ADAMTSL1: variants seen among roughly 807,000 people sequenced by gnomAD.
ADAMTSL1 encodes the protein ADAMTS-like protein 1.
ADAMTSL1 carries 126 observed loss-of-function variants against 201.8 expected under a neutral mutation model. The observed-to-expected ratio is 0.62, with a 90% CI of 0.54 to 0.72. ADAMTSL1 has a LOEUF of 0.72. Among genes scored for constraint, ADAMTSL1 ranks in the 30% least tolerant of loss-of-function variants. The pLI, the probability that ADAMTSL1 is intolerant of heterozygous loss-of-function variation, is 0.00. For synonymous variants in ADAMTSL1, 1,121 were observed against 903.4 expected (o/e 1.24, Z -4.32); for missense variants, 2,679 against 2,277.8 (o/e 1.18, Z -3.59).
intron 2 of ADAMTSL1, among the ~76,000 whole-genome samples, chr9:18,376,535 T>A (rs1396991562): frequency 6.6e-6 from 1 of 152,192 alleles, no homozygotes; most frequent in Non-Finnish European, 1.5e-5. Context: ...CCCGGGGCGG[T>A]GGCTCATGCC....
intron 2 of ADAMTSL1, among the ~76,000 whole-genome samples, chr9:18,408,028 A>T (rs2133297757): frequency 6.6e-6 from 1 of 152,352 alleles, no homozygotes; most frequent in East Asian, 1.9e-4. Flanking sequence ...GAAAATTTTG[A>T]GTCACTATGA....
At position 18,776,003 on chromosome 9, in the gene ADAMTSL1, G is replaced by A. The variant is rs1056197269; in HGVS notation, c.2551+107G>A. 429 of 1,412,526 alleles carry A rather than the reference G, an allele frequency of 3.0e-4. 2 individuals are homozygous for A. The highest frequency in any genetic ancestry group is 5.9e-4 in the South Asian group (44 of 74,702). 87.5% of individuals were successfully genotyped at this position (1,412,526 alleles called of 1,614,324 possible). A position where few individuals can be genotyped will look rare whatever the true frequency, so the allele number is the denominator to read the frequency against. On this transcript the variant is annotated intron_variant, in intron 18 of 28. Coordinates refer to ENST00000380548, the MANE Select transcript of ADAMTSL1 (RefSeq NM_001040272.6). ...AACTCAAGACCTGTGGGAAATAGTG[G>A]GACAGTAGAACCCCATGGAGGGCTG...
chr9:18,476,474 G>C (rs1821457922), intron 1 of ADAMTSL1, among the ~76,000 whole-genome samples: 1 of 152,104 alleles, frequency 6.6e-6, no homozygotes, highest in Non-Finnish European at 1.5e-5. Context: ...GATCATTAAA[G>C]ATATGTACAA....
intron 26 of ADAMTSL1, among the ~76,000 whole-genome samples, chr9:18,900,784 TG>T (rs1829969589): frequency 1.8e-4 from 1 of 5,638 alleles, no homozygotes; most frequent in South Asian, 6.9e-3. Flanking sequence ...GCGGTGGGGG[TG>T]GGGGTGGGAG....
At chr9:18,074,985 T>G (rs1192709896) in intron 1 of ADAMTSL1, among the ~76,000 whole-genome samples, 4 of 152,166 alleles carry the variant, frequency 2.6e-5, no homozygotes, top group Admixed American at 2.0e-4. Context: ...TCTTGTTTCT[T>G]TTATACCTAT....
At chr9:17,981,347 C>A (rs1404542095) in intron 1 of ADAMTSL1, among the ~76,000 whole-genome samples, 1 of 152,162 alleles carries the variant, frequency 6.6e-6, no homozygotes, top group African/African-American at 2.4e-5. Flanking sequence ...TTTTATGATT[C>A]CCTATTCCCT....
chr9:18,747,731 G>C (rs1819230429), intron 15 of ADAMTSL1, among the ~76,000 whole-genome samples: 1 of 152,090 alleles, frequency 6.6e-6, no homozygotes, highest in Non-Finnish European at 1.5e-5. Context: ...CTGGATTGTG[G>C]TCACGTCACA....
chr9:18,709,706 T>C (rs1832439476), intron 14 of ADAMTSL1, among the ~76,000 whole-genome samples: 1 of 152,206 alleles, frequency 6.6e-6, no homozygotes, highest in African/African-American at 2.4e-5. Context: ...GTCACTTCCT[T>C]GTTAGATTTT....
At chr9:18,297,069 A>G (rs904146315) in intron 2 of ADAMTSL1, among the ~76,000 whole-genome samples, 3 of 152,208 alleles carry the variant, frequency 2.0e-5, no homozygotes, top group African/African-American at 7.2e-5. Flanking sequence ...TGAAGATCAC[A>G]TTTTCCAACT....
In ADAMTSL1 at chr9:18,028,614, G is replaced by C. The variant is rs147301588; in HGVS notation, c.87+121692G>C. On this transcript the variant is annotated intron_variant, in intron 1 of 29. Transcript: ENST00000680146. ...CTGAGGGCTCTGTTCTGTTCCATTG[G>C]TCTATATCTCTGTTTTGGTACCAGT... 6.6e-4 allele frequency among the ~76,000 whole-genome samples: 100 copies of C among 152,024 alleles called. 1 individual carries two copies. The highest frequency in any genetic ancestry group is 2.4e-3 in the African/African-American group (99 of 41,492).
chr9:18,031,574 T>C (rs1199877812), intron 1 of ADAMTSL1, among the ~76,000 whole-genome samples: 1 of 152,224 alleles, frequency 6.6e-6, no homozygotes, highest in African/African-American at 2.4e-5. Context: ...ATACTTCTTT[T>C]ATATCTTGAT....
At chr9:18,584,281 A>C (rs1260913394) in intron 4 of ADAMTSL1, among the ~76,000 whole-genome samples, 1 of 152,136 alleles carries the variant, frequency 6.6e-6, no homozygotes, top group African/African-American at 2.4e-5. Context: ...TGATGGTTTT[A>C]AAAAGAGGAG....
At chr9:17,958,542 C>T (rs1375903620) in intron 1 of ADAMTSL1, among the ~76,000 whole-genome samples, 2 of 152,154 alleles carry the variant, frequency 1.3e-5, no homozygotes, top group Non-Finnish European at 2.9e-5. Context: ...TGAGGAACAG[C>T]TCATTAATTG....
At chr9:18,030,326 T>A (rs1367228955) in intron 1 of ADAMTSL1, among the ~76,000 whole-genome samples, 1 of 151,878 alleles carries the variant, frequency 6.6e-6, no homozygotes, top group Non-Finnish European at 1.5e-5. Context: ...ATGTTCTCAC[T>A]CATAGGTGGG....
chr9:18,333,304 C>T (rs1428653348), intron 2 of ADAMTSL1, among the ~76,000 whole-genome samples: 2 of 152,126 alleles, frequency 1.3e-5, no homozygotes, highest in African/African-American at 4.8e-5. Context: ...TTCCCCCATG[C>T]TGTTCTCATG....
chr9:18,706,054 G>T (rs1441872196), intron 13 of ADAMTSL1, among the ~76,000 whole-genome samples: 1 of 152,208 alleles, frequency 6.6e-6, no homozygotes, highest in African/African-American at 2.4e-5. Flanking sequence ...TACTCCATAG[G>T]CAGGGCAGCC....
At chr9:18,082,848 A>G (rs542957158) in intron 1 of ADAMTSL1, among the ~76,000 whole-genome samples, 1 of 152,296 alleles carries the variant, frequency 6.6e-6, no homozygotes, top group East Asian at 1.9e-4. Flanking sequence ...AGTACCTAAA[A>G]ATCCTTAAAT....
intron 1 of ADAMTSL1, among the ~76,000 whole-genome samples, chr9:18,160,148 G>A (rs1433951483): frequency 1.3e-5 from 2 of 152,076 alleles, no homozygotes; most frequent in East Asian, 3.9e-4. Flanking sequence ...TTCCCGGGTT[G>A]GTTCTCTAAG....
chr9:18,056,132 A>G, intron 1 of ADAMTSL1, among the ~76,000 whole-genome samples: 1 of 142,976 alleles, frequency 7.0e-6, no homozygotes. Flanking sequence ...AGAAAGGGTG[A>G]TTTTTTTTTT....
Sources: allele counts gnomAD v4.1 joint callset (sites outside exome capture counted in the v4.1 genomes callset), GRCh38; gene constraint gnomAD v4.1.1; transcripts MANE v1.5; gene names NCBI Gene and HGNC (gene_info 2026-07-23, HGNC 2026-07-21).